Variants in KIRREL3 observed in about 807,000 individuals in gnomAD.
KIRREL3 encodes kin of IRRE-like protein 3.
KIRREL3 carries 36 observed loss-of-function variants against 89.7 expected under a neutral mutation model. The observed-to-expected ratio is 0.40, with a 90% CI of 0.31 to 0.53. KIRREL3 has a LOEUF of 0.53. Ranked by LOEUF, KIRREL3 falls within the 20% of genes least tolerant of loss-of-function variation. The pLI, the probability that KIRREL3 is intolerant of heterozygous loss-of-function variation, is 0.49. For synonymous variants in KIRREL3, 445 were observed against 441.4 expected, an observed-to-expected ratio of 1.01 and a Z score of -0.10; for missense variants, 864 against 1,056.6, an observed-to-expected ratio of 0.82 and a Z score of 2.53.
rs12420840 is a variant in KIRREL3, at chr11:126,653,517, A to G, written c.56-90605T>C. On this transcript the variant is annotated intron_variant, in intron 1 of 16. Coordinates refer to ENST00000525144, the MANE Select transcript of KIRREL3 (RefSeq NM_032531.4). The surrounding 1 kb of genome is among the most constrained non-coding windows in gnomAD (Gnocchi z 5.4). The stretch of plus-strand genomic sequence containing the variant: ...GATATGAAATGGTTCTGAAAGATGT[A>G]AAGAGCAATATAAACACCAGATACG... Among the ~76,000 whole-genome samples the G allele has an allele frequency of 0.047, 7,091 of 152,304 alleles. 222 individuals are homozygous for G. The highest frequency in any genetic ancestry group is 0.069 in the Non-Finnish European group (4,660 of 68,014).
chr11:126,901,802 T>C (rs1474131734), intron 1 of KIRREL3, among the ~76,000 whole-genome samples: 1 of 152,200 alleles, frequency 6.6e-6, no homozygotes, highest in African/African-American at 2.4e-5. Context: ...ACCTGAATAA[T>C]ATTCATGGCT....
Position 126,993,723 on chromosome 11 carries a change from G to C in KIRREL3, c.55+6732C>G, listed in dbSNP as rs1565485410. Among the ~76,000 whole-genome samples the C allele has an allele frequency of 6.6e-6, 1 of 152,182 alleles. No homozygotes were observed. Among genetic ancestry groups the C allele is most frequent in the Non-Finnish European group, 1.5e-5 (1 of 68,034 alleles). On this transcript the variant is annotated intron_variant, in intron 1 of 16. Coordinates refer to ENST00000525144, the MANE Select transcript of KIRREL3 (RefSeq NM_032531.4). This position sits in a 1 kb window ranked among gnomAD's most constrained non-coding sequence, Gnocchi z 6.1. ...GAGTGGTCAAGGGCTGAGCCTTAGTGTCATAAAATGGTATTTGATCACAAA... is the reference window on the plus strand; with the variant it reads ...GAGTGGTCAAGGGCTGAGCCTTAGTCTCATAAAATGGTATTTGATCACAAA...
At chr11:126,654,050 C>T (rs1945020969) in intron 1 of KIRREL3, among the ~76,000 whole-genome samples, 1 of 152,178 alleles carries the variant, frequency 6.6e-6, no homozygotes, top group Non-Finnish European at 1.5e-5. Context: ...CTTGAATCTC[C>T]CTATCACGGG....
rs1002264 is a variant in KIRREL3, at chr11:126,515,350, T to G, written c.433+5965A>C. On this transcript the variant is annotated intron_variant, in intron 4 of 16. Coordinates refer to ENST00000525144, the MANE Select transcript of KIRREL3 (RefSeq NM_032531.4). This position sits in a 1 kb window ranked among gnomAD's most constrained non-coding sequence, Gnocchi z 4.2. ...CTGTGGTCTCAGCTACTCGGGAGGCTGAGGTGGGAGGATCGCTTGAGCCAG... is the reference window on the plus strand; with the variant it reads ...CTGTGGTCTCAGCTACTCGGGAGGCGGAGGTGGGAGGATCGCTTGAGCCAG... 0.034 allele frequency among the ~76,000 whole-genome samples: 5,192 copies of G among 152,098 alleles called. 351 individuals carry two copies. Among genetic ancestry groups the G allele is most frequent in the African/African-American group, 0.12 (4,904 of 41,450 alleles).
chr11:126,519,596 T>A lies in KIRREL3; in HGVS notation c.433+1719A>T, dbSNP rs1958523085. Among the ~76,000 whole-genome samples the A allele has an allele frequency of 6.6e-6, 1 of 151,656 alleles. No individual in the cohort carries two copies. The highest frequency in any genetic ancestry group is 2.1e-4 in the South Asian group (1 of 4,812). On this transcript the variant is annotated intron_variant, in intron 4 of 16. Coordinates refer to ENST00000525144, the MANE Select transcript of KIRREL3 (RefSeq NM_032531.4). The surrounding 1 kb of genome is among the most constrained non-coding windows in gnomAD (Gnocchi z 4.3). Reference sequence around the variant, plus strand: ...TTTGGTTCCTGTGAAGTCAGAGGAGTGGACAATGCTCAGGTTCCTGTGGTT... The same window carrying A: ...TTTGGTTCCTGTGAAGTCAGAGGAGAGGACAATGCTCAGGTTCCTGTGGTT...
Position 126,924,154 on chromosome 11 carries a change from C to A in KIRREL3, c.55+76301G>T, listed in dbSNP as rs1947593621. Among the ~76,000 whole-genome samples the A allele has an allele frequency of 1.3e-5, 2 of 152,212 alleles. No homozygotes were observed. Among genetic ancestry groups the A allele is most frequent in the South Asian group, 4.1e-4 (2 of 4,824 alleles). On this transcript the variant is annotated intron_variant, in intron 1 of 16. Transcript: ENST00000525144. This position sits in a 1 kb window ranked among gnomAD's most constrained non-coding sequence, Gnocchi z 4.7. ...GTGGTCTTATGGCTGGTAGCCCAGGCAGCTCTTGATCCTGTCCCCTGGGTT... is the reference window on the plus strand; with the variant it reads ...GTGGTCTTATGGCTGGTAGCCCAGGAAGCTCTTGATCCTGTCCCCTGGGTT...
At chr11:126,952,594 T>TTTTGGC (rs1948804300) in intron 1 of KIRREL3, among the ~76,000 whole-genome samples, 1 of 152,224 alleles carries the variant, frequency 6.6e-6, no homozygotes, top group Admixed American at 6.5e-5. Flanking sequence ...AATTTGTCAG[T>TTTTGGC]TTTGGCTTTT....
Position 126,606,392 on chromosome 11 carries a change from C to T in KIRREL3, c.56-43480G>A, listed in dbSNP as rs1446874661. On this transcript the variant is annotated intron_variant, in intron 1 of 16. Coordinates refer to ENST00000525144, the MANE Select transcript of KIRREL3 (RefSeq NM_032531.4). This position sits in a 1 kb window ranked among gnomAD's most constrained non-coding sequence, Gnocchi z 4.6. ...TCTGTAAAATACGGGGAAATAATAC[C>T]TAACTCATGGAGCTGTGAGGAGTGA... Among the ~76,000 whole-genome samples, 2 of 152,150 alleles carry T rather than the reference C, an allele frequency of 1.3e-5. No homozygotes were observed. Among genetic ancestry groups the T allele is most frequent in the African/African-American group, 4.8e-5 (2 of 41,430 alleles).
chr11:126,823,880 T>C (rs4424682), intron 1 of KIRREL3, among the ~76,000 whole-genome samples: 131,123 of 151,878 alleles, frequency 0.86, 56,951 homozygotes, highest in East Asian at 1. Context: ...ACCCTGGTGC[T>C]AAGCACACTC....
rs1365462192 is a variant in KIRREL3 at position 126,608,802 on chromosome 11, C to T, written c.56-45890G>A. On this transcript the variant is annotated intron_variant, in intron 1 of 16. Transcript: ENST00000525144. This position sits in a 1 kb window ranked among gnomAD's most constrained non-coding sequence, Gnocchi z 4.9. ...CACAGGTGACTTGCATTTCCTGGGG[C>T]CTAACTGCTGGGAGTGCACTTCTGG... 1.3e-5 allele frequency among the ~76,000 whole-genome samples: 2 copies of T among 152,154 alleles called. No homozygotes were observed. The highest frequency in any genetic ancestry group is 2.9e-5 in the Non-Finnish European group (2 of 68,022).
chr11:126,975,002 G>A (rs550272145), intron 1 of KIRREL3, among the ~76,000 whole-genome samples: 124 of 152,196 alleles, frequency 8.1e-4, no homozygotes, highest in Middle Eastern at 3.4e-3. Flanking sequence ...GTAGAGGTGG[G>A]GTTTCACCAT....
rs117234028 is a variant in KIRREL3, at chr11:126,848,169, A to C, written c.55+152286T>G. Among the ~76,000 whole-genome samples the C allele has an allele frequency of 9.5e-4, 144 of 152,308 alleles. 1 individual carries two copies. In the East Asian group the frequency reaches 0.021, roughly 23 times the overall value. On this transcript the variant is annotated intron_variant, in intron 1 of 16. Transcript: ENST00000525144. ...CAACTCATAGGTATTTGAGGGTACA[A>C]ACCCACCGCAGGGCTTGGCTTTTTA...
Position 126,783,891 on chromosome 11 carries a change from C to T in KIRREL3, c.55+216564G>A, listed in dbSNP as rs1464633023. ...ATTTCAGCCAGGTGAGCAAGGTTGG[C>T]AGCAACAGTGATGTGCCATGTTGAT... On this transcript the variant is annotated intron_variant, in intron 1 of 16. Transcript: ENST00000525144. This position sits in a 1 kb window ranked among gnomAD's most constrained non-coding sequence, Gnocchi z 4.3. Among the ~76,000 whole-genome samples the T allele has an allele frequency of 6.6e-6, 1 of 152,190 alleles. No homozygotes were observed. The highest frequency in any genetic ancestry group is 6.5e-5 in the Admixed American group (1 of 15,280).
upstream of KIRREL3, among the ~76,000 whole-genome samples, chr11:127,001,640 A>C (rs1476170961): frequency 2.0e-5 from 3 of 152,162 alleles, no homozygotes; most frequent in Non-Finnish European, 4.4e-5. Context: ...ACCTGTCATG[A>C]AATTCACACT....
rs1946203732 is a variant in KIRREL3, at chr11:126,897,283, T to C, written c.55+103172A>G. On this transcript the variant is annotated intron_variant, in intron 1 of 16. Transcript: ENST00000525144. The surrounding 1 kb of genome is among the most constrained non-coding windows in gnomAD (Gnocchi z 4.2). The stretch of plus-strand genomic sequence containing the variant: ...GGGAATCTCATGAGGAGGAGATCAG[T>C]CCTGGAATGTCCAGGACTGAGGGGA... 6.6e-6 allele frequency among the ~76,000 whole-genome samples: 1 copy of C among 151,994 alleles called. No homozygotes were observed. The highest frequency in any genetic ancestry group is 6.6e-5 in the Admixed American group (1 of 15,266).
intron 1 of KIRREL3, among the ~76,000 whole-genome samples, chr11:126,834,947 A>G (rs1302416675): frequency 6.6e-6 from 1 of 152,218 alleles, no homozygotes; most frequent in Non-Finnish European, 1.5e-5. Context: ...ACAGGACAAC[A>G]AACAGATATA....
chr11:126,789,915 A>T (rs1950587832), intron 1 of KIRREL3, among the ~76,000 whole-genome samples: 1 of 152,170 alleles, frequency 6.6e-6, no homozygotes, highest in Non-Finnish European at 1.5e-5. Flanking sequence ...GACAATTCCC[A>T]TATTTATACC....
chr11:126,701,954 G>C (rs927957866), intron 1 of KIRREL3, among the ~76,000 whole-genome samples: 6 of 152,182 alleles, frequency 3.9e-5, no homozygotes, highest in African/African-American at 1.4e-4. Flanking sequence ...GTGTGGTCTT[G>C]AGCAAGTTAC....
At position 126,742,606 on chromosome 11, in the gene KIRREL3, C is replaced by T. The variant is rs1009355931; in HGVS notation, c.56-179694G>A. Among the ~76,000 whole-genome samples the T allele has an allele frequency of 6.6e-6, 1 of 152,222 alleles. No individual in the cohort carries two copies. Among genetic ancestry groups the T allele is most frequent in the Non-Finnish European group, 1.5e-5 (1 of 68,038 alleles). ...ACCAAGGTTCAGAGAGGGCAAGTGA[C>T]TTGTCAAGGTCACATAGCCAGTACA... On this transcript the variant is annotated intron_variant, in intron 1 of 16. Coordinates refer to ENST00000525144, the MANE Select transcript of KIRREL3 (RefSeq NM_032531.4). The surrounding 1 kb of genome is among the most constrained non-coding windows in gnomAD (Gnocchi z 5.3).
Sources: allele counts gnomAD v4.1 joint callset (sites outside exome capture counted in the v4.1 genomes callset), GRCh38; gene constraint gnomAD v4.1.1; non-coding constraint Gnocchi (gnomAD v3.1); transcripts MANE v1.5; gene names NCBI Gene and HGNC (gene_info 2026-07-23, HGNC 2026-07-21).